SCAPER: variants seen among roughly 807,000 people sequenced by gnomAD.
SCAPER encodes S phase cyclin A-associated protein in the endoplasmic reticulum.
A neutral mutation model predicts 182.2 loss-of-function variants in SCAPER; 98 were observed. The observed-to-expected ratio is 0.54, with a 90% CI of 0.46 to 0.64. The LOEUF is 0.64. Ranked by LOEUF, SCAPER falls within the 30% of genes least tolerant of loss-of-function variation. The pLI is 0.00. For synonymous variants in SCAPER, 605 were observed against 564.6 expected, an observed-to-expected ratio of 1.07 and a Z score of -1.01; for missense variants, 1,432 against 1,690.0, an observed-to-expected ratio of 0.85 and a Z score of 2.68.
chr15:76,602,179 T>C (rs1309347940), intron 22 of SCAPER, among the ~76,000 whole-genome samples: 1 of 116,156 alleles, frequency 8.6e-6, no homozygotes, highest in East Asian at 2.3e-4. Flanking sequence ...ATAAGAAAAA[T>C]GTTATTTTAT....
At chr15:76,826,653 C>A (rs62029189) in intron 5 of SCAPER, among the ~76,000 whole-genome samples, 10,152 of 151,026 alleles carry the variant, frequency 0.067, 378 homozygotes, top group Middle Eastern at 0.11. Context: ...CATGGATGTT[C>A]CCTCCTAAAA....
intron 2 of SCAPER, among the ~76,000 whole-genome samples, chr15:76,866,586 TTAC>T (rs1332595909): frequency 2.0e-5 from 3 of 152,214 alleles, no homozygotes; most frequent in Admixed American, 6.5e-5. Context: ...ACTACTCATC[TTAC>T]TACAAGATCT....
chr15:76,556,872 A>C lies in SCAPER; in HGVS notation c.2838+17286T>G, dbSNP rs73455148. On this transcript the variant is annotated intron_variant, in intron 23 of 31. Coordinates refer to ENST00000563290, the MANE Select transcript of SCAPER (RefSeq NM_020843.4). ...ATCTAAAAAATCCCACAGTCTGCCC[A>C]AAAGCTCCTATGTCTAATAAACACC... Among the ~76,000 whole-genome samples the C allele has an allele frequency of 6.7e-3, 1,015 of 152,344 alleles. 13 individuals carry two copies. The highest frequency in any genetic ancestry group is 0.023 in the African/African-American group (969 of 41,584).
intron 23 of SCAPER, among the ~76,000 whole-genome samples, chr15:76,533,091 A>G (rs2144584429): frequency 6.6e-6 from 1 of 152,364 alleles, no homozygotes; most frequent in South Asian, 2.1e-4. Context: ...CTGGGCAAGG[A>G]TGTTAAACAG....
chr15:76,628,979 G>C (rs1273068244), intron 21 of SCAPER, among the ~76,000 whole-genome samples: 5 of 152,168 alleles, frequency 3.3e-5, no homozygotes, highest in Non-Finnish European at 7.3e-5. Context: ...CCTTGAAGAG[G>C]TCCTTCACTT....
intron 23 of SCAPER, among the ~76,000 whole-genome samples, chr15:76,515,405 C>A (rs1373178530): frequency 6.6e-6 from 1 of 152,172 alleles, no homozygotes; most frequent in East Asian, 1.9e-4. Flanking sequence ...TTCATTACTG[C>A]AACTATGGTT....
At chr15:76,393,075 G>A (rs970103161) in intron 27 of SCAPER, among the ~76,000 whole-genome samples, 1 of 152,190 alleles carries the variant, frequency 6.6e-6, no homozygotes, top group Non-Finnish European at 1.5e-5. Context: ...ATTCCTTCAA[G>A]TAACTAGGGC....
At chr15:76,745,952 A>G (rs2061771321) in intron 15 of SCAPER, among the ~76,000 whole-genome samples, 1 of 152,194 alleles carries the variant, frequency 6.6e-6, no homozygotes, top group Non-Finnish European at 1.5e-5. Context: ...TACTAATAAT[A>G]CATAGATCAG....
intron 27 of SCAPER, among the ~76,000 whole-genome samples, chr15:76,401,953 C>A (rs2044490566): frequency 6.6e-6 from 1 of 152,010 alleles, no homozygotes; most frequent in Non-Finnish European, 1.5e-5. Flanking sequence ...ATGGTGAAAC[C>A]CCATCTCTAC....
chr15:76,389,870 A>G (rs1294365320), intron 27 of SCAPER, among the ~76,000 whole-genome samples: 1 of 152,042 alleles, frequency 6.6e-6, no homozygotes, highest in Non-Finnish European at 1.5e-5. Flanking sequence ...GAAAATTAAA[A>G]AGTGAGAACA....
intron 23 of SCAPER, among the ~76,000 whole-genome samples, chr15:76,510,138 G>A (rs1567308205): frequency 6.6e-6 from 1 of 151,976 alleles, no homozygotes; most frequent in Non-Finnish European, 1.5e-5. Flanking sequence ...AGATAATATC[G>A]GAAAAACTCT....
chr15:76,680,953 CA>C, intron 20 of SCAPER, among the ~76,000 whole-genome samples: 1 of 152,260 alleles, frequency 6.6e-6, no homozygotes, highest in Non-Finnish European at 1.5e-5. Context: ...TACATGAAGA[CA>C]AACACACAAT....
chr15:76,731,105 A>G (rs1197881100), intron 16 of SCAPER, among the ~76,000 whole-genome samples: 1 of 152,182 alleles, frequency 6.6e-6, no homozygotes, highest in Non-Finnish European at 1.5e-5. Flanking sequence ...GGATTTCTAA[A>G]TATCTGTTTA....
At position 76,385,610 on chromosome 15, in the gene SCAPER, C is replaced by A. The variant is rs565030166; in HGVS notation, c.3468-3995G>T. ...CAAGGAGAGGTAAATTATTTCTCAG[C>A]AGTATCCCAGTTTTTGGATATTATG... On this transcript the variant is annotated intron_variant, in intron 27 of 31. Coordinates refer to ENST00000563290, the MANE Select transcript of SCAPER (RefSeq NM_020843.4). Among the ~76,000 whole-genome samples the A allele has an allele frequency of 2.0e-5, 3 of 152,262 alleles. No individual in the cohort carries two copies. In the East Asian group the frequency reaches 5.8e-4, roughly 29 times the overall value.
At chr15:76,895,118 T>G (rs1033823516) in intron 1 of SCAPER, among the ~76,000 whole-genome samples, 4 of 152,070 alleles carry the variant, frequency 2.6e-5, no homozygotes, top group Non-Finnish European at 4.4e-5. Context: ...GAATATAGAT[T>G]CAAAAATCCT....
At chr15:76,549,452 T>C (rs935560151) in intron 23 of SCAPER, among the ~76,000 whole-genome samples, 33 of 152,168 alleles carry the variant, frequency 2.2e-4, no homozygotes, top group African/African-American at 8.0e-4. Flanking sequence ...TCATGTCCTT[T>C]GTAGGGACAT....
At chr15:76,362,238 G>C (rs911910036) in intron 29 of SCAPER, among the ~76,000 whole-genome samples, 3 of 151,902 alleles carry the variant, frequency 2.0e-5, no homozygotes, top group African/African-American at 4.8e-5. Flanking sequence ...CTCCCAAAGT[G>C]CTGAGATTAC....
rs777153974 is a variant in SCAPER at position 76,504,959 on chromosome 15, T to C, written c.2854A>G (p.Ile952Val). The C allele has an allele frequency of 6.2e-7, 1 of 1,612,232 alleles. No individual in the cohort carries two copies. Among genetic ancestry groups the C allele is most frequent in the Admixed American group, 1.7e-5 (1 of 59,718 alleles). ...AATCCACCAGCAGCTTGAAATGCAA[T>C]CTGATCTGCCACATTCTAGACAGAA... Reference protein sequence around the residue: ...ILEKENVADQIAFQAAGGLTA... With the variant: ...ILEKENVADQVAFQAAGGLTA... Residue 952 changes from isoleucine (I) to valine (V), a missense_variant, in exon 24 of 32, where the codon ATT becomes GTT. Physicochemically the swap from Ile to Val is conservative, Grantham distance 29 (BLOSUM62 3). Transcript: ENST00000563290.
intron 24 of SCAPER, among the ~76,000 whole-genome samples, chr15:76,502,900 A>G (rs1280907766): frequency 6.6e-6 from 1 of 152,066 alleles, no homozygotes; most frequent in Non-Finnish European, 1.5e-5. Flanking sequence ...TCTTTATAGG[A>G]ACTGTGGACG....
Sources: gnomAD v4.1 joint callset for allele counts (sites outside exome capture counted in the v4.1 genomes callset) on GRCh38, gnomAD v4.1.1 for gene constraint, MANE v1.5 for transcripts, NCBI Gene and HGNC (gene_info 2026-07-23, HGNC 2026-07-21) for gene names.